KLHL2: variants seen among roughly 807,000 people sequenced by gnomAD.
The protein encoded by KLHL2 is kelch-like protein 2.
In KLHL2, 15 loss-of-function variants were observed where a neutral mutation model predicts 75.8. That is an observed-to-expected ratio of 0.20 (90% CI 0.13 to 0.30). The LOEUF is 0.30. KLHL2 is among the 10% of genes least tolerant of loss of function. KLHL2 has a pLI of 1.00. For missense variants in KLHL2, 381 were observed against 741.0 expected (o/e 0.51, Z 5.64); for synonymous variants, 214 against 251.9 (o/e 0.85, Z 1.42).
chr4:165,319,248 A>G lies in KLHL2; in HGVS notation c.1753+1279A>G, dbSNP rs757897600. On this transcript the variant is annotated intron_variant, in intron 14 of 14. Coordinates refer to ENST00000226725, the MANE Select transcript of KLHL2 (RefSeq NM_007246.4). This position sits in a 1 kb window ranked among gnomAD's most constrained non-coding sequence, Gnocchi z 4.5. ...TTGTCTCTTCAGCGATGCGTATCTC[A>G]GTAAAAAGTTCTCTCTCATGGTTCT... 5.3e-5 allele frequency among the ~76,000 whole-genome samples: 8 copies of G among 152,262 alleles called. No homozygotes were observed. The highest frequency in any genetic ancestry group is 2.1e-4 in the South Asian group (1 of 4,836).
intron 5 of KLHL2, among the ~76,000 whole-genome samples, chr4:165,272,765 T>G (rs1036709985): frequency 6.6e-6 from 1 of 152,124 alleles, no homozygotes; most frequent in Admixed American, 6.5e-5. Context: ...TTATTTAAAA[T>G]CTTAAATTTA....
chr4:165,313,362 A>G lies in KLHL2; in HGVS notation c.1464A>G (p.Gly488=). The G allele has an allele frequency of 6.6e-7, 1 of 1,513,186 alleles. No individual in the cohort carries two copies. The highest frequency in any genetic ancestry group is 8.8e-7 in the Non-Finnish European group (1 of 1,134,056). 93.7% of individuals were successfully genotyped at this position (1,513,186 alleles called of 1,614,324 possible). The change falls in exon 12 of 15, where the codon GGA becomes GGG. Residue 488 remains glycine, a synonymous_variant. Coordinates refer to ENST00000226725, the MANE Select transcript of KLHL2 (RefSeq NM_007246.4). Reference sequence around the variant, plus strand: ...CAGAAATGAGCACCAGGCGGAGTGGAGCAGGTACATGTGAACCTGTTTTAG... The same window carrying G: ...CAGAAATGAGCACCAGGCGGAGTGGGGCAGGTACATGTGAACCTGTTTTAG... ...YIAEMSTRRS[G]AGVGVLNNLL...
intron 4 of KLHL2, among the ~76,000 whole-genome samples, chr4:165,256,901 A>T (rs1741222636): frequency 6.6e-6 from 1 of 152,222 alleles, no homozygotes; most frequent in Non-Finnish European, 1.5e-5. Flanking sequence ...TTTAGAAACT[A>T]GCTTTTTATA....
chr4:165,296,287 A>G (rs1262469856), intron 6 of KLHL2, among the ~76,000 whole-genome samples: 1 of 152,116 alleles, frequency 6.6e-6, no homozygotes, highest in Non-Finnish European at 1.5e-5. Flanking sequence ...GTCTCTCTCT[A>G]GGTCTCCCTC....
At chr4:165,310,060 A>G (rs1746029989) in intron 9 of KLHL2, among the ~76,000 whole-genome samples, 1 of 152,216 alleles carries the variant, frequency 6.6e-6, no homozygotes, top group African/African-American at 2.4e-5. Context: ...AAAGAAGGCC[A>G]GGTGCAGTGG....
intron 5 of KLHL2, among the ~76,000 whole-genome samples, chr4:165,274,608 CAAAAAA>C (rs1319249650): frequency 1.9e-5 from 2 of 106,902 alleles, no homozygotes; most frequent in Admixed American, 2.1e-4. Context: ...GACTACGTCT[CAAAAAA>C]AAAAAAAAAA....
chr4:165,321,347 G>A (rs1016544995), intron 14 of KLHL2: 1 of 455,442 alleles, frequency 2.2e-6, no homozygotes, highest in Non-Finnish European at 4.4e-6. Context: ...TGAAGACCTT[G>A]ATGATGATCC....
chr4:165,221,526 A>G (rs1737992735), intron 2 of KLHL2, among the ~76,000 whole-genome samples: 1 of 152,176 alleles, frequency 6.6e-6, no homozygotes, highest in Non-Finnish European at 1.5e-5. Context: ...GGAATCACAC[A>G]GGAGAGGCAG....
At chr4:165,262,592 T>C (rs1741781589) in intron 4 of KLHL2, among the ~76,000 whole-genome samples, 1 of 152,130 alleles carries the variant, frequency 6.6e-6, no homozygotes, top group Non-Finnish European at 1.5e-5. Flanking sequence ...TTTTGTTTTG[T>C]TTTTGAGATG....
chr4:165,276,231 C>T (rs1445999190), intron 5 of KLHL2, among the ~76,000 whole-genome samples: 1 of 152,164 alleles, frequency 6.6e-6, no homozygotes, highest in Non-Finnish European at 1.5e-5. Context: ...TATCCCAGGC[C>T]CCGGCGGTAG....
chr4:165,252,851 C>T (rs1437521716), intron 4 of KLHL2, among the ~76,000 whole-genome samples: 1 of 151,910 alleles, frequency 6.6e-6, no homozygotes, highest in Non-Finnish European at 1.5e-5. Context: ...AAATGCTGTC[C>T]GTTGACCTCT....
At chr4:165,235,048 T>G (rs765091896) in intron 3 of KLHL2, among the ~76,000 whole-genome samples, 1 of 152,200 alleles carries the variant, frequency 6.6e-6, no homozygotes, top group Admixed American at 6.5e-5. Flanking sequence ...AGTGCTTGGC[T>G]CACTCTGTAA....
intron 8 of KLHL2, 103 bp from the exon 9 acceptor site, chr4:165,305,505 A>G: frequency 1.1e-6 from 1 of 909,934 alleles, no homozygotes; most frequent in Admixed American, 1.8e-5. Context: ...TCACCCTATC[A>G]TCTTCATCCT....
chr4:165,275,253 T>G (rs1742994480), intron 5 of KLHL2, among the ~76,000 whole-genome samples: 1 of 152,126 alleles, frequency 6.6e-6, no homozygotes, highest in Non-Finnish European at 1.5e-5. Flanking sequence ...TGTGGACTCT[T>G]CTCATGTTTG....
At chr4:165,314,323 T>TAATA (rs2126578017) in intron 13 of KLHL2, among the ~76,000 whole-genome samples, 157 bp downstream of exon 13, 1 of 152,304 alleles carries the variant, frequency 6.6e-6, no homozygotes, top group Admixed American at 6.5e-5. Context: ...GAAACTTATG[T>TAATA]AATAATCCTA....
intron 3 of KLHL2, among the ~76,000 whole-genome samples, chr4:165,237,668 G>A (rs2111094585): frequency 1.3e-5 from 2 of 152,308 alleles, no homozygotes; most frequent in Middle Eastern, 6.8e-3. Flanking sequence ...GAGCTTTCAA[G>A]AAATCTTGAG....
chr4:165,224,069 C>A (rs1738234019), intron 2 of KLHL2: 1 of 254,968 alleles, frequency 3.9e-6, no homozygotes, highest in Non-Finnish European at 8.0e-6. Context: ...TGCGTGCCGT[C>A]ACACCCAGCT....
intron 4 of KLHL2, among the ~76,000 whole-genome samples, chr4:165,244,651 AAAC>A (rs1384531556): frequency 2.7e-3 from 408 of 151,944 alleles, no homozygotes; most frequent in East Asian, 0.01. Context: ...ACAAACAAAC[AAAC>A]AAAAAAGGAA....
Position 165,305,494 on chromosome 4 carries a change from C to T in KLHL2, c.922-114C>T, listed in dbSNP as rs572023366. On this transcript the variant is annotated intron_variant, in intron 8 of 14. Transcript: ENST00000226725. ...GTGGTTAGATGTTTGTATTCGCCAG[C>T]TCACCCTATCATCTTCATCCTAACA... The T allele has an allele frequency of 1.2e-5, 10 of 808,638 alleles. No individual in the cohort carries two copies. In the South Asian group the frequency reaches 1.6e-4, roughly 13 times the overall value. 50.1% of individuals were successfully genotyped at this position (808,638 alleles called of 1,614,324 possible).
Sources: gnomAD v4.1 joint callset for allele counts (sites outside exome capture counted in the v4.1 genomes callset) on GRCh38, gnomAD v4.1.1 for gene constraint, Gnocchi (gnomAD v3.1) non-coding constraint, MANE v1.5 for transcripts, NCBI Gene and HGNC (gene_info 2026-07-23, HGNC 2026-07-21) for gene names.